Variants in PPP6R2 observed in about 807,000 individuals in gnomAD.
PPP6R2 encodes protein phosphatase 6 regulatory subunit 2.
PPP6R2 carries 62 observed loss-of-function variants against 100.2 expected under a neutral mutation model. The ratio of observed to expected loss-of-function variants is 0.62; its 90% CI spans 0.50 to 0.76. The LOEUF (loss-of-function observed/expected upper bound fraction) is 0.76, where lower values mean the gene tolerates loss of function less well. Ranked by LOEUF, PPP6R2 falls within the 30% of genes least tolerant of loss-of-function variation. The probability of loss-of-function intolerance (pLI) is 0.00; values close to 1 mark genes in which losing one functional copy is unlikely to be tolerated. For missense variants in PPP6R2, 1,142 were observed against 1,276.3 expected, an observed-to-expected ratio of 0.89 and a Z score of 1.60; for synonymous variants, 525 against 514.7, an observed-to-expected ratio of 1.02 and a Z score of -0.27.
Position 50,385,952 on chromosome 22 carries a change from T to C in PPP6R2, c.-16-7941T>C, listed in dbSNP as rs1451136907. Among the ~76,000 whole-genome samples the C allele has an allele frequency of 3.6e-5, 5 of 140,772 alleles. No homozygotes were observed. In the South Asian group the frequency reaches 1.2e-3, roughly 33 times the overall value. The allele number at this position is 140,772 out of a possible 152,430, so 92.4% of individuals were successfully genotyped here. ...CATTCTCCTGCCTCAGCCTCCCGAG[T>C]AGCTGGGACTACAGGCGCTCGCCAC... On this transcript the variant is annotated intron_variant, in intron 2 of 23. Coordinates refer to ENST00000612753, the MANE Select transcript of PPP6R2 (RefSeq NM_001242898.2).
chr22:50,436,347 A>C lies in PPP6R2; in HGVS notation c.1517-20A>C, dbSNP rs766395115. The C allele has an allele frequency of 6.4e-7, 1 of 1,558,558 alleles. No individual in the cohort carries two copies. Among genetic ancestry groups the C allele is most frequent in the South Asian group, 1.2e-5 (1 of 84,602 alleles). On this transcript the variant is annotated intron_variant, in intron 13 of 23. Transcript: ENST00000612753. ...TGCACGGGGTCTCCCAGGGCTCACC[A>C]GGCAGCACTTCCCTTGCAGGGCTCC...
At chr22:50,379,197 C>T (rs983359763) in intron 2 of PPP6R2, among the ~76,000 whole-genome samples, 3 of 152,162 alleles carry the variant, frequency 2.0e-5, no homozygotes, top group Admixed American at 2.0e-4. Context: ...TTACTAAATA[C>T]AATTCTCAAG....
At chr22:50,383,336 T>C (rs2053526168) in intron 2 of PPP6R2, among the ~76,000 whole-genome samples, 1 of 152,194 alleles carries the variant, frequency 6.6e-6, no homozygotes, top group South Asian at 2.1e-4. Context: ...AGTGTTTTCA[T>C]TTCGAGTCCT....
chr22:50,382,156 G>C (rs935584936), intron 2 of PPP6R2, among the ~76,000 whole-genome samples: 1 of 152,078 alleles, frequency 6.6e-6, no homozygotes, highest in African/African-American at 2.4e-5. Flanking sequence ...AGGATAAAAA[G>C]ATAAAAGAAT....
Position 50,444,518 on chromosome 22 carries a change from A to T in PPP6R2, c.*271A>T, listed in dbSNP as rs377326287. The T allele has an allele frequency of 7.1e-5, 10 of 140,828 alleles. No individual in the cohort carries two copies. The highest frequency in any genetic ancestry group is 3.0e-4 in the East Asian group (1 of 3,310). 8.7% of individuals were successfully genotyped at this position (140,828 alleles called of 1,614,324 possible). On this transcript the variant is annotated 3_prime_UTR_variant, in exon 24 of 24. Coordinates refer to ENST00000612753, the MANE Select transcript of PPP6R2 (RefSeq NM_001242898.2). ...GAGCACAGCAATAAGGTCGGCCTGC[A>T]GGAGCCGGGGTGGGGGTGGGGGTGG... is the stretch of plus-strand genomic sequence containing the variant.
chr22:50,334,311 T>C, the PPP6R2 span, among the ~76,000 whole-genome samples: 1 of 152,254 alleles, frequency 6.6e-6, no homozygotes, highest in African/African-American at 2.4e-5. Flanking sequence ...CTAGAGGCCC[T>C]GTCCGGGCGT....
At chr22:50,377,911 G>A (rs977212665) in intron 2 of PPP6R2, among the ~76,000 whole-genome samples, 6 of 152,102 alleles carry the variant, frequency 3.9e-5, no homozygotes, top group African/African-American at 1.4e-4. Context: ...CGAGGCTGAG[G>A]TAGGAGAATT....
intron 17 of PPP6R2, 110 bp downstream of exon 17, chr22:50,438,010 C>G: frequency 3.3e-6 from 5 of 1,501,610 alleles, no homozygotes; most frequent in Non-Finnish European, 4.6e-6. Flanking sequence ...GGAGAGGCCC[C>G]TCTGTGGAGC....
chr22:50,431,685 G>T lies in PPP6R2; in HGVS notation c.1335+303G>T, dbSNP rs147401123. On this transcript the variant is annotated intron_variant, in intron 11 of 23. Transcript: ENST00000612753. This position sits in a 1 kb window ranked among gnomAD's most constrained non-coding sequence, Gnocchi z 4.8. ...CCAGCTGGAGGCCCAGGGAATAAAT[G>T]CCCAGGGAGCCAGCAGTGTCAGTGA... Among the ~76,000 whole-genome samples the T allele has an allele frequency of 2.2e-3, 342 of 152,252 alleles. 2 individuals are homozygous for T. The highest frequency in any genetic ancestry group is 7.2e-3 in the African/African-American group (298 of 41,544).
chr22:50,419,043 G>T (rs2060942077), intron 7 of PPP6R2, 64 bp downstream of exon 7: 1 of 1,309,716 alleles, frequency 7.6e-7, no homozygotes, highest in Non-Finnish European at 1.1e-6. Context: ...ACGTCTGTGA[G>T]CCTTGCTCTG....
chr22:50,437,191 C>T (rs537186431), intron 15 of PPP6R2, 123 bp downstream of exon 15: 84 of 1,000,348 alleles, frequency 8.4e-5, no homozygotes, highest in South Asian at 6.9e-4. Flanking sequence ...GGCTCGTCTC[C>T]GAGCACGTAT....
chr22:50,383,516 G>A (rs12163408), intron 2 of PPP6R2, among the ~76,000 whole-genome samples: 10,824 of 152,166 alleles, frequency 0.071, 547 homozygotes, highest in East Asian at 0.22. Context: ...TGGCCAGGAA[G>A]GAACGCCAGG....
intron 13 of PPP6R2, among the ~76,000 whole-genome samples, chr22:50,435,622 G>A (rs969819599): frequency 3.3e-5 from 5 of 152,186 alleles, no homozygotes; most frequent in African/African-American, 9.7e-5. Flanking sequence ...CCCTATACCC[G>A]TGTAAGGTGA....
chr22:50,437,185 C>A, intron 15 of PPP6R2, 117 bp downstream of exon 15: 1 of 1,034,990 alleles, frequency 9.7e-7, no homozygotes, highest in Non-Finnish European at 1.5e-6. Flanking sequence ...AGCGGGGGCT[C>A]GTCTCCGAGC....
chr22:50,437,730 C>T, intron 16 of PPP6R2, 113 bp from the exon 17 acceptor site: 2 of 1,410,948 alleles, frequency 1.4e-6, no homozygotes, highest in East Asian at 2.5e-5. Context: ...GCAGGTGTTC[C>T]CAGTTGTGTG....
chr22:50,390,303 T>G (rs1042073239), intron 2 of PPP6R2, among the ~76,000 whole-genome samples: 6 of 152,132 alleles, frequency 3.9e-5, no homozygotes, highest in African/African-American at 1.4e-4. Context: ...ATATGCCGTT[T>G]TTCAAGAGAA....
At chr22:50,361,765 CA>C (rs2047834059) in intron 1 of PPP6R2, among the ~76,000 whole-genome samples, 2 of 152,062 alleles carry the variant, frequency 1.3e-5, no homozygotes, top group African/African-American at 4.8e-5. Context: ...TTATTGACAA[CA>C]AATATAGCAT....
rs766611783 is a variant in PPP6R2 at position 50,422,425 on chromosome 22, GGA to G, written c.972+49_972+50del. On this transcript the variant is annotated intron_variant, in intron 9 of 23. Transcript: ENST00000612753. ...GCTGAGTGCCTTTGGAGGCGTCGCAGGAGAGGTTGATTTGCAGGGAGGAGAAG... is the reference window on the plus strand; with the variant it reads ...GCTGAGTGCCTTTGGAGGCGTCGCAGGAGGTTGATTTGCAGGGAGGAGAAG... 3 of 1,602,826 alleles carry G rather than the reference GGA, an allele frequency of 1.9e-6. No homozygotes were observed. The Admixed American group carries it at 5.1e-5, about 27-fold the overall frequency.
At position 50,374,363 on chromosome 22, in the gene PPP6R2, A is replaced by G. The variant is rs76678861; in HGVS notation, c.-17+2213A>G. Among the ~76,000 whole-genome samples the G allele has an allele frequency of 3.0e-3, 452 of 152,252 alleles. 1 individual carries two copies. Among genetic ancestry groups the G allele is most frequent in the African/African-American group, 0.01 (432 of 41,548 alleles). On this transcript the variant is annotated intron_variant, in intron 2 of 23. Transcript: ENST00000612753. Reference sequence around the variant, plus strand: ...AAAAAGAAACCCACCAAAATTCAACATATGGATTAAACAGATTAAACACAG... The same window carrying G: ...AAAAAGAAACCCACCAAAATTCAACGTATGGATTAAACAGATTAAACACAG...
Sources: allele counts gnomAD v4.1 joint callset (sites outside exome capture counted in the v4.1 genomes callset), GRCh38; gene constraint gnomAD v4.1.1; non-coding constraint Gnocchi (gnomAD v3.1); transcripts MANE v1.5; gene names NCBI Gene and HGNC (gene_info 2026-07-23, HGNC 2026-07-21).